NCAM2: variants seen among roughly 807,000 people sequenced by gnomAD.
NCAM2 encodes N-CAM-2.
NCAM2 carries 30 observed loss-of-function variants against 98.1 expected under a neutral mutation model. The ratio of observed to expected loss-of-function variants is 0.31; its 90% CI spans 0.23 to 0.41. The LOEUF is 0.41. NCAM2 is among the 10% of genes least tolerant of loss of function. The probability of loss-of-function intolerance (pLI) is 1.00; values close to 1 mark genes in which losing one functional copy is unlikely to be tolerated. For synonymous variants in NCAM2, 368 were observed against 342.4 expected, an observed-to-expected ratio of 1.07 and a Z score of -0.83; for missense variants, 867 against 1,005.8, an observed-to-expected ratio of 0.86 and a Z score of 1.87.
At chr21:21,402,194 T>A (rs1250496812) in intron 9 of NCAM2, among the ~76,000 whole-genome samples, 1 of 152,152 alleles carries the variant, frequency 6.6e-6, no homozygotes, top group African/African-American at 2.4e-5. Flanking sequence ...ACAGCCATAT[T>A]TTTCTTCTTG....
chr21:21,033,610 A>G (rs777864311), intron 1 of NCAM2, among the ~76,000 whole-genome samples: 2 of 152,166 alleles, frequency 1.3e-5, no homozygotes, highest in South Asian at 4.2e-4. Flanking sequence ...GGGCTTAGGG[A>G]TGGCATCACA....
rs149848871 is a variant in NCAM2, at chr21:21,105,678, A to G, written c.55+107060A>G. Among the ~76,000 whole-genome samples, 372 of 152,280 alleles carry G rather than the reference A, an allele frequency of 2.4e-3. 1 individual carries two copies. The highest frequency in any genetic ancestry group is 4.4e-3 in the Non-Finnish European group (296 of 68,012). On this transcript the variant is annotated intron_variant, in intron 1 of 17. Transcript: ENST00000400546. ...ATCCTGAGAAATTAAAAAGACTAAT[A>G]AAACTCTTCATTGGCAAGACTGGAA...
chr21:21,040,968 G>T (rs536080357), intron 1 of NCAM2, among the ~76,000 whole-genome samples: 75 of 152,224 alleles, frequency 4.9e-4, no homozygotes, highest in South Asian at 3.1e-3. Flanking sequence ...TGAGGGGGTG[G>T]ATATGCAAAT....
intron 9 of NCAM2, among the ~76,000 whole-genome samples, chr21:21,394,686 A>C (rs1453233564): frequency 6.6e-6 from 1 of 151,480 alleles, no homozygotes; most frequent in Non-Finnish European, 1.5e-5. Flanking sequence ...ACGGGGTTTC[A>C]CTGTGTTAGC....
chr21:21,132,495 T>G (rs926189236), intron 1 of NCAM2, among the ~76,000 whole-genome samples: 4 of 152,166 alleles, frequency 2.6e-5, no homozygotes, highest in African/African-American at 9.7e-5. Flanking sequence ...TGTCAGTATA[T>G]CTGCATTTTT....
chr21:21,464,933 G>A (rs1181817809), intron 12 of NCAM2, among the ~76,000 whole-genome samples: 1 of 152,056 alleles, frequency 6.6e-6, no homozygotes, highest in Non-Finnish European at 1.5e-5. Flanking sequence ...TAGGATTTCT[G>A]TGCCAATCAA....
chr21:21,365,117 GTGGGGTAGCTGAAAGGGCAGAGCCC>G (rs1376103602), intron 8 of NCAM2, among the ~76,000 whole-genome samples: 3 of 152,150 alleles, frequency 2.0e-5, no homozygotes, highest in Non-Finnish European at 4.4e-5. Flanking sequence ...AATTCGCACA[GTGGGGTAGCTGAAAGGGCAGAGCCC>G]TGTGGAGATG....
At chr21:21,002,515 T>C (rs2064038287) in intron 1 of NCAM2, among the ~76,000 whole-genome samples, 1 of 152,172 alleles carries the variant, frequency 6.6e-6, no homozygotes, top group African/African-American at 2.4e-5. Flanking sequence ...AATTTGTTTT[T>C]GCCTGTCCTC....
chr21:21,058,144 C>CAAAAAAAAAAAAAAA (rs56355387), intron 1 of NCAM2, among the ~76,000 whole-genome samples: 1 of 104,460 alleles, frequency 9.6e-6, no homozygotes, highest in Non-Finnish European at 2.0e-5. Context: ...TAAGTCTCTT[C>CAAAAAAAAAAAAAAA]AAAAAAAAAA....
chr21:21,403,817 T>C (rs1211825472), intron 9 of NCAM2, among the ~76,000 whole-genome samples: 1 of 152,168 alleles, frequency 6.6e-6, no homozygotes, highest in African/African-American at 2.4e-5. Context: ...AATAAAATGT[T>C]AATTATTCAC....
At chr21:21,425,052 A>AAAAAAAAAG in intron 11 of NCAM2, among the ~76,000 whole-genome samples, 1 of 133,258 alleles carries the variant, frequency 7.5e-6, no homozygotes, top group African/African-American at 2.8e-5. Flanking sequence ...AAAAAAAAAA[A>AAAAAAAAAG]AAAAAAAAAA....
At chr21:21,154,231 A>G (rs2067540078) in intron 1 of NCAM2, among the ~76,000 whole-genome samples, 1 of 151,936 alleles carries the variant, frequency 6.6e-6, no homozygotes, top group Non-Finnish European at 1.5e-5. Flanking sequence ...TTTATCTAGC[A>G]TATCAATTAT....
At chr21:21,495,747 C>G (rs1213414825) in intron 15 of NCAM2, among the ~76,000 whole-genome samples, 1 of 151,874 alleles carries the variant, frequency 6.6e-6, no homozygotes, top group Non-Finnish European at 1.5e-5. Flanking sequence ...AAGCCATGTT[C>G]AGATTAAAAT....
At chr21:21,008,708 T>G (rs776488749) in intron 1 of NCAM2, among the ~76,000 whole-genome samples, 29 of 152,302 alleles carry the variant, frequency 1.9e-4, no homozygotes, top group Non-Finnish European at 7.4e-5. Context: ...TTAATATCAT[T>G]ATGTTCTTCA....
rs1555889821 is a variant in NCAM2, at chr21:21,411,037, C to CACACAT, written c.1383+577_1383+578insCACATA. ...AAAAATATATATATATATATACACA[C>CACACAT]ATATATATATGTGTGTGTATATATA... On this transcript the variant is annotated intron_variant, in intron 10 of 17. Coordinates refer to ENST00000400546, the MANE Select transcript of NCAM2 (RefSeq NM_004540.5). Among the ~76,000 whole-genome samples, 94 of 53,308 alleles carry CACACAT rather than the reference C, an allele frequency of 1.8e-3. 3 individuals are homozygous for CACACAT. The highest frequency in any genetic ancestry group is 8.0e-3 in the East Asian group (9 of 1,132). The allele number at this position is 53,308 out of a possible 152,430, so 35.0% of individuals were successfully genotyped here.
intron 1 of NCAM2, among the ~76,000 whole-genome samples, chr21:21,018,195 C>T (rs569659199): frequency 1.3e-5 from 2 of 152,248 alleles, no homozygotes; most frequent in South Asian, 4.1e-4. Context: ...TTACACAAAA[C>T]GAAGAGCTAA....
At chr21:21,099,337 T>C (rs1322847662) in intron 1 of NCAM2, among the ~76,000 whole-genome samples, 1 of 151,872 alleles carries the variant, frequency 6.6e-6, no homozygotes, top group African/African-American at 2.4e-5. Context: ...TTGTATTAGT[T>C]CATTCTCACG....
intron 1 of NCAM2, among the ~76,000 whole-genome samples, chr21:21,111,508 A>G (rs1297001002): frequency 6.6e-6 from 1 of 152,138 alleles, no homozygotes; most frequent in Non-Finnish European, 1.5e-5. Flanking sequence ...GAGAACCAAG[A>G]GGGCAGGGCT....
chr21:21,006,072 G>A (rs1053671890), intron 1 of NCAM2, among the ~76,000 whole-genome samples: 10 of 152,072 alleles, frequency 6.6e-5, no homozygotes, highest in Non-Finnish European at 1.3e-4. Flanking sequence ...TTAGGCTGAC[G>A]CTCACATTTA....
Sources: gnomAD v4.1 joint callset for allele counts (sites outside exome capture counted in the v4.1 genomes callset) on GRCh38, gnomAD v4.1.1 for gene constraint, MANE v1.5 for transcripts, NCBI Gene and HGNC (gene_info 2026-07-23, HGNC 2026-07-21) for gene names.